Variants in MDFIC2 observed in about 807,000 individuals in gnomAD.
MDFIC2 encodes MyoD family inhibitor domain containing 2.
At chr3:70,224,962 G>T (rs1261278001) in intron 2 of MDFIC2, among the ~76,000 whole-genome samples, 1 of 152,082 alleles carries the variant, frequency 6.6e-6, no homozygotes, top group Non-Finnish European at 1.5e-5. Flanking sequence ...TAAATACAAG[G>T]TTTTCATGAG....
At chr3:70,288,630 C>T (rs1249172587) in intron 2 of MDFIC2, among the ~76,000 whole-genome samples, 6 of 151,438 alleles carry the variant, frequency 4.0e-5, no homozygotes, top group African/African-American at 1.2e-4. Flanking sequence ...CTTTCTGTCT[C>T]GTTGATCCGT....
intron 2 of MDFIC2, among the ~76,000 whole-genome samples, chr3:70,295,503 G>A (rs1702281318): frequency 6.6e-6 from 1 of 151,970 alleles, no homozygotes; most frequent in East Asian, 1.9e-4. Flanking sequence ...AGGAGTTCGA[G>A]ACTGGCCTGG....
At chr3:70,299,947 C>T (rs749629666) in intron 2 of MDFIC2, among the ~76,000 whole-genome samples, 1 of 152,070 alleles carries the variant, frequency 6.6e-6, no homozygotes, top group Non-Finnish European at 1.5e-5. Flanking sequence ...TCCAGTCAAA[C>T]GTAGCTATCG....
chr3:70,228,812 A>G (rs1701532493), intron 2 of MDFIC2, among the ~76,000 whole-genome samples: 1 of 151,764 alleles, frequency 6.6e-6, no homozygotes, highest in Non-Finnish European at 1.5e-5. Context: ...TAAGATGGAT[A>G]GCTGGGTTAT....
rs918899245 is a variant in MDFIC2 at position 70,196,727 on chromosome 3, G to C, written c.*199C>G. On this transcript the variant is annotated 3_prime_UTR_variant, in exon 4 of 4. Transcript: ENST00000567252. ...GATCAAGAATCTTATTTTTCAGTGAGCCATGCGGTTGTGAAATTTGGAATA... is the reference window on the plus strand; with the variant it reads ...GATCAAGAATCTTATTTTTCAGTGACCCATGCGGTTGTGAAATTTGGAATA... 2.0e-5 allele frequency among the ~76,000 whole-genome samples: 3 copies of C among 152,258 alleles called. No individual in the cohort carries two copies. Among genetic ancestry groups the C allele is most frequent in the African/African-American group, 7.2e-5 (3 of 41,560 alleles).
intron 2 of MDFIC2, among the ~76,000 whole-genome samples, chr3:70,231,698 G>A (rs1028491923): frequency 1.3e-5 from 2 of 152,138 alleles, no homozygotes; most frequent in Non-Finnish European, 2.9e-5. Context: ...CACGCAGAGA[G>A]ACAGAGATAC....
rs1218618615 is a variant in MDFIC2 at position 70,289,310 on chromosome 3, T to A, written c.88+22576A>T. Among the ~76,000 whole-genome samples the A allele has an allele frequency of 2.0e-5, 3 of 151,582 alleles. No individual in the cohort carries two copies. The East Asian group carries it at 5.8e-4, about 30-fold the overall frequency. On this transcript the variant is annotated intron_variant, in intron 2 of 3. Transcript: ENST00000567252. ...TCTGTAAAGTATTTTATTTCTCCTT[T>A]GCTTATGAAGCTTAGTTTGGCTGGA...
chr3:70,307,313 C>T (rs9831895), intron 2 of MDFIC2, among the ~76,000 whole-genome samples: 46,684 of 151,688 alleles, frequency 0.31, 7,424 homozygotes, highest in East Asian at 0.43. Flanking sequence ...TATAAGAAAT[C>T]GTGTGCACTT....
chr3:70,292,294 T>C (rs941298862), intron 2 of MDFIC2, among the ~76,000 whole-genome samples: 2 of 152,192 alleles, frequency 1.3e-5, no homozygotes, highest in African/African-American at 2.4e-5. Context: ...TTTGATTGTT[T>C]ATAATATATA....
intron 2 of MDFIC2, among the ~76,000 whole-genome samples, chr3:70,240,768 A>G (rs62254859): frequency 5.3e-5 from 8 of 152,210 alleles, no homozygotes; most frequent in African/African-American, 1.7e-4. Context: ...AGCAAGCCAC[A>G]AGTCTGAGTT....
At chr3:70,239,901 T>C (rs576770633) in intron 2 of MDFIC2, among the ~76,000 whole-genome samples, 2 of 152,294 alleles carry the variant, frequency 1.3e-5, no homozygotes, top group East Asian at 3.9e-4. Flanking sequence ...GTCTATTTAC[T>C]CTTGCGGACA....
chr3:70,238,068 T>C (rs1373848537), intron 2 of MDFIC2, among the ~76,000 whole-genome samples: 2 of 139,110 alleles, frequency 1.4e-5, no homozygotes, highest in East Asian at 4.5e-4. Flanking sequence ...ACCTATTCTT[T>C]ATACCTTGAG....
Position 70,225,731 on chromosome 3 carries a change from G to T in MDFIC2, c.89-18941C>A, listed in dbSNP as rs370609681. On this transcript the variant is annotated intron_variant, in intron 2 of 3. Transcript: ENST00000567252. ...AATGAAACAATAAAGTAGAACGATA[G>T]TTTGGTGATAAGAACAAAAACACTT... is the stretch of plus-strand genomic sequence containing the variant. 3.9e-5 allele frequency among the ~76,000 whole-genome samples: 6 copies of T among 152,286 alleles called. No individual in the cohort carries two copies. In the East Asian group the frequency reaches 1.2e-3, roughly 29 times the overall value.
chr3:70,215,023 AT>A (rs1191780592), intron 2 of MDFIC2, among the ~76,000 whole-genome samples: 3 of 152,142 alleles, frequency 2.0e-5, no homozygotes, highest in Non-Finnish European at 4.4e-5. Flanking sequence ...TTTTTTTACT[AT>A]CAGTGTTTAA....
chr3:70,257,067 T>C (rs1037897375), intron 2 of MDFIC2, among the ~76,000 whole-genome samples: 3 of 152,174 alleles, frequency 2.0e-5, no homozygotes, highest in South Asian at 4.1e-4. Flanking sequence ...GATTAGAGCA[T>C]AGACCATGAA....
intron 2 of MDFIC2, among the ~76,000 whole-genome samples, chr3:70,307,420 G>A (rs894589016): frequency 1.3e-5 from 2 of 152,078 alleles, no homozygotes; most frequent in Non-Finnish European, 2.9e-5. Flanking sequence ...ATCAAATGGT[G>A]TAAGCTACAG....
chr3:70,252,506 C>T (rs1024338724), intron 2 of MDFIC2, among the ~76,000 whole-genome samples: 35 of 151,990 alleles, frequency 2.3e-4, no homozygotes, highest in African/African-American at 8.0e-4. Context: ...AAGTTACAAA[C>T]GTGATTCAAG....
chr3:70,268,886 C>G (rs1212864157), intron 2 of MDFIC2, among the ~76,000 whole-genome samples: 1 of 151,950 alleles, frequency 6.6e-6, no homozygotes, highest in Non-Finnish European at 1.5e-5. Flanking sequence ...ATTATTTTTT[C>G]TGGAGCACAT....
At chr3:70,198,957 G>A (rs72941574) in intron 3 of MDFIC2, among the ~76,000 whole-genome samples, 1,822 of 152,234 alleles carry the variant, frequency 0.012, 29 homozygotes, top group African/African-American at 0.04. Context: ...AAAGATGAGG[G>A]ACATACAACC....
Sources: gnomAD v4.1 joint callset for allele counts (sites outside exome capture counted in the v4.1 genomes callset) on GRCh38, gnomAD v4.1.1 for gene constraint, MANE v1.5 for transcripts, NCBI Gene and HGNC (gene_info 2026-07-23, HGNC 2026-07-21) for gene names.